The following FSTL5 variants were observed in gnomAD, a reference collection of about 807,000 sequenced individuals.
FSTL5 encodes the protein follistatin like 5.
Under a neutral mutation model 89.1 loss-of-function variants are expected in FSTL5, and 62 were observed. The observed-to-expected ratio is 0.70, with a 90% CI of 0.57 to 0.86. FSTL5 has a LOEUF of 0.86. Ranked by LOEUF, FSTL5 falls within the 40% of genes least tolerant of loss-of-function variation. The pLI is 0.00. For synonymous variants in FSTL5, 383 were observed against 346.2 expected, an observed-to-expected ratio of 1.11 and a Z score of -1.18; for missense variants, 1,057 against 1,001.6, an observed-to-expected ratio of 1.06 and a Z score of -0.75.
chr4:161,720,340 G>A (rs1230571294), intron 6 of FSTL5, among the ~76,000 whole-genome samples: 1 of 151,988 alleles, frequency 6.6e-6, no homozygotes, highest in Non-Finnish European at 1.5e-5. Flanking sequence ...TGTTACGATA[G>A]CATTATTTTT....
intron 6 of FSTL5, among the ~76,000 whole-genome samples, chr4:161,702,777 T>C (rs1738441405): frequency 1.3e-5 from 2 of 152,154 alleles, no homozygotes; most frequent in African/African-American, 2.4e-5. Flanking sequence ...CCTTCCTTTA[T>C]GACAGCAACT....
At chr4:161,460,574 T>C (rs1578990646) in intron 13 of FSTL5, among the ~76,000 whole-genome samples, 1 of 152,298 alleles carries the variant, frequency 6.6e-6, no homozygotes, top group East Asian at 1.9e-4. Context: ...TAAACTATTG[T>C]TGTGGTTGGA....
At position 162,054,481 on chromosome 4, in the gene FSTL5, C is replaced by T. The variant is rs75695721; in HGVS notation, c.127-20823G>A. Among the ~76,000 whole-genome samples, 1,161 of 151,692 alleles carry T rather than the reference C, an allele frequency of 7.7e-3. 19 individuals carry two copies. The highest frequency in any genetic ancestry group is 0.027 in the African/African-American group (1,106 of 41,352). ...AAATTGTATAAGGACAGAGAAAAAA[C>T]GAATGACATTACCACTATTTGATAA... On this transcript the variant is annotated intron_variant, in intron 2 of 15. Transcript: ENST00000306100.
At chr4:162,087,011 C>T (rs933755864) in intron 2 of FSTL5, among the ~76,000 whole-genome samples, 1 of 151,904 alleles carries the variant, frequency 6.6e-6, no homozygotes, top group African/African-American at 2.4e-5. Flanking sequence ...TTTATAGCCA[C>T]AAATCTTAAT....
intron 2 of FSTL5, 64 bp downstream of exon 2, chr4:162,111,207 G>A: frequency 7.4e-7 from 1 of 1,348,206 alleles, no homozygotes; most frequent in Non-Finnish European, 1.0e-6. Flanking sequence ...TAATAAACCA[G>A]AAAACTAATA....
chr4:161,992,292 T>C (rs1736134917), intron 3 of FSTL5, among the ~76,000 whole-genome samples: 1 of 152,074 alleles, frequency 6.6e-6, no homozygotes, highest in African/African-American at 2.4e-5. Flanking sequence ...CATGGGATAT[T>C]CTTCTAGGCA....
chr4:161,538,413 C>T, intron 9 of FSTL5, 113 bp from the exon 10 acceptor site: 1 of 1,132,762 alleles, frequency 8.8e-7, no homozygotes, highest in East Asian at 2.4e-5. Flanking sequence ...AACTGTTTCC[C>T]TTCCTACTTC....
chr4:162,012,207 C>T (rs1334542685), intron 3 of FSTL5, among the ~76,000 whole-genome samples: 2 of 152,112 alleles, frequency 1.3e-5, no homozygotes, highest in Non-Finnish European at 2.9e-5. Flanking sequence ...TACAGGGTAA[C>T]AGACAGAGAT....
intron 4 of FSTL5, among the ~76,000 whole-genome samples, chr4:161,804,188 T>C (rs1459513099): frequency 6.6e-6 from 1 of 152,014 alleles, no homozygotes; most frequent in African/African-American, 2.4e-5. Context: ...CTCTTTGTTT[T>C]TAAGAGCTCT....
intron 11 of FSTL5, 140 bp downstream of exon 11, chr4:161,510,258 C>T (rs1321147456): frequency 7.8e-6 from 5 of 639,292 alleles, no homozygotes; most frequent in Non-Finnish European, 1.4e-5. Context: ...AGCAGGCTTA[C>T]ACAAAAATAT....
intron 6 of FSTL5, among the ~76,000 whole-genome samples, chr4:161,657,114 T>C (rs1736546476): frequency 6.6e-6 from 1 of 152,226 alleles, no homozygotes. Flanking sequence ...AGTGTGCATA[T>C]TTCTGCTGAT....
intron 2 of FSTL5, among the ~76,000 whole-genome samples, chr4:162,034,188 CATAA>C (rs566086218): frequency 1.6e-4 from 25 of 152,068 alleles, no homozygotes; most frequent in East Asian, 3.9e-4. Flanking sequence ...AATATGGATT[CATAA>C]ATAAATAAAC....
At chr4:161,755,691 G>A (rs1740544516) in intron 6 of FSTL5, among the ~76,000 whole-genome samples, 1 of 152,022 alleles carries the variant, frequency 6.6e-6, no homozygotes, top group Non-Finnish European at 1.5e-5. Context: ...TTTGATCACT[G>A]TCTGTCTGAG....
intron 3 of FSTL5, among the ~76,000 whole-genome samples, chr4:161,982,786 G>T (rs1421044808): frequency 6.6e-6 from 1 of 152,106 alleles, no homozygotes; most frequent in Admixed American, 6.5e-5. Flanking sequence ...TTGACTCATT[G>T]ATTTACTAAA....
At chr4:161,754,118 G>C (rs1488817088) in intron 6 of FSTL5, among the ~76,000 whole-genome samples, 1 of 148,258 alleles carries the variant, frequency 6.7e-6, no homozygotes, top group Non-Finnish European at 1.5e-5. Context: ...TAATAATTAG[G>C]TGATTTAAAT....
At chr4:161,618,845 A>G (rs1734994927) in intron 7 of FSTL5, among the ~76,000 whole-genome samples, 1 of 152,208 alleles carries the variant, frequency 6.6e-6, no homozygotes, top group African/African-American at 2.4e-5. Context: ...ACTACTTTAA[A>G]GTTCATATGA....
chr4:161,914,314 T>C (rs1358254711), intron 4 of FSTL5, among the ~76,000 whole-genome samples: 2 of 151,960 alleles, frequency 1.3e-5, no homozygotes, highest in Non-Finnish European at 2.9e-5. Context: ...AGCATGAAAA[T>C]GTATAAAAAC....
intron 15 of FSTL5, among the ~76,000 whole-genome samples, chr4:161,447,238 A>G (rs1401218002): frequency 1.3e-5 from 2 of 152,098 alleles, no homozygotes; most frequent in Non-Finnish European, 2.9e-5. Flanking sequence ...TAGTGTCTTT[A>G]TTAAATTACA....
intron 4 of FSTL5, among the ~76,000 whole-genome samples, chr4:161,844,886 C>A (rs1451649834): frequency 6.6e-6 from 1 of 151,938 alleles, no homozygotes; most frequent in African/African-American, 2.4e-5. Context: ...ACCTATGTAA[C>A]AAACCTGCAG....
Sources: gnomAD v4.1 joint callset for allele counts (sites outside exome capture counted in the v4.1 genomes callset) on GRCh38, gnomAD v4.1.1 for gene constraint, MANE v1.5 for transcripts, NCBI Gene and HGNC (gene_info 2026-07-23, HGNC 2026-07-21) for gene names.